Variants in TRDN observed in about 807,000 individuals in gnomAD.
TRDN encodes the protein triadin in skeletal muscle.
In TRDN, 161 loss-of-function variants were observed where a neutral mutation model predicts 149.7. The ratio of observed to expected loss-of-function variants is 1.08; its 90% CI spans 0.95 to 1.23. TRDN has a LOEUF of 1.23. Ranked by LOEUF, TRDN falls within the 50% of genes most tolerant of loss-of-function variation. TRDN has a pLI of 0.00. For missense variants in TRDN, 896 were observed against 823.5 expected, an observed-to-expected ratio of 1.09 and a Z score of -1.08; for synonymous variants, 294 against 250.5, an observed-to-expected ratio of 1.17 and a Z score of -1.64.
intron 11 of TRDN, 96 bp downstream of exon 11, chr6:123,438,848 A>T: frequency 1.1e-6 from 1 of 931,278 alleles, no homozygotes. Flanking sequence ...TGCATTTATT[A>T]AGGGAATTTC....
chr6:123,332,679 T>G lies in TRDN; in HGVS notation c.1421-750A>C, dbSNP rs12664547. ...TGCAACATTAATGCTCAATAAAGAT[T>G]TTATGGATGAAAATGACTTTTAATG... On this transcript the variant is annotated intron_variant, in intron 22 of 40. Coordinates refer to ENST00000334268, the MANE Select transcript of TRDN (RefSeq NM_006073.4). 3.9e-4 allele frequency among the ~76,000 whole-genome samples: 59 copies of G among 152,172 alleles called. 1 individual carries two copies. The East Asian group carries it at 0.01, about 27-fold the overall frequency.
intron 21 of TRDN, among the ~76,000 whole-genome samples, chr6:123,348,193 G>A (rs867728281): frequency 1.4e-4 from 22 of 152,086 alleles, no homozygotes; most frequent in African/African-American, 4.8e-4. Context: ...GACTCTTAAA[G>A]CATTGCTTTA....
At chr6:123,630,599 GA>G (rs138913219) in intron 1 of TRDN, among the ~76,000 whole-genome samples, 25,198 of 151,110 alleles carry the variant, frequency 0.17, 4,357 homozygotes, top group African/African-American at 0.45. Context: ...AAATAAATAG[GA>G]AAAAAAATAA....
At chr6:123,451,270 G>GAAA (rs982501807) in intron 10 of TRDN, among the ~76,000 whole-genome samples, 2 of 148,902 alleles carry the variant, frequency 1.3e-5, no homozygotes, top group African/African-American at 5.1e-5. Flanking sequence ...AAATAAAATT[G>GAAA]AAACAACAAC....
intron 21 of TRDN, among the ~76,000 whole-genome samples, chr6:123,337,990 G>A (rs1779936371): frequency 6.6e-6 from 1 of 152,082 alleles, no homozygotes; most frequent in Non-Finnish European, 1.5e-5. Context: ...TACGTGTCAG[G>A]CAATATTCTC....
chr6:123,538,586 C>T (rs1780669604), intron 4 of TRDN, among the ~76,000 whole-genome samples: 2 of 152,106 alleles, frequency 1.3e-5, no homozygotes, highest in African/African-American at 4.8e-5. Flanking sequence ...TGGGCAACCA[C>T]TCCAGATACA....
chr6:123,269,815 A>C (rs746980043), intron 31 of TRDN, 34 bp downstream of exon 31: 1 of 1,605,054 alleles, frequency 6.2e-7, no homozygotes, highest in South Asian at 1.1e-5. Flanking sequence ...TGGTCAAGCG[A>C]TATTTCTCAG....
chr6:123,233,762 A>T (rs549487359), intron 38 of TRDN, among the ~76,000 whole-genome samples: 206 of 152,212 alleles, frequency 1.4e-3, no homozygotes, highest in Non-Finnish European at 2.3e-3. Flanking sequence ...TTAAAAAGTG[A>T]GATTGTTTTA....
chr6:123,258,314 T>C (rs769559315), intron 35 of TRDN, among the ~76,000 whole-genome samples: 1 of 152,222 alleles, frequency 6.6e-6, no homozygotes, highest in Non-Finnish European at 1.5e-5. Context: ...TTTCCATCAA[T>C]ACCTAGTTTA....
chr6:123,264,092 C>T (rs968210461), intron 33 of TRDN, among the ~76,000 whole-genome samples: 11 of 151,948 alleles, frequency 7.2e-5, no homozygotes, highest in Non-Finnish European at 1.5e-5. Flanking sequence ...GCCCGTGGGA[C>T]TAAAGAGTAA....
chr6:123,524,228 G>A (rs866894766), intron 5 of TRDN, among the ~76,000 whole-genome samples: 16 of 152,152 alleles, frequency 1.1e-4, no homozygotes, highest in Admixed American at 5.2e-4. Context: ...ACAGACAGGT[G>A]CAGACATTTT....
intron 24 of TRDN, among the ~76,000 whole-genome samples, chr6:123,284,555 G>A (rs1450253154): frequency 7.2e-5 from 11 of 151,854 alleles, no homozygotes; most frequent in Admixed American, 1.3e-4. Context: ...CACAGCCAGC[G>A]TAACACTGAA....
rs181458020 is a variant in TRDN at position 123,635,357 on chromosome 6, A to G, written c.22+1397T>C. Among the ~76,000 whole-genome samples, 160 of 137,664 alleles carry G rather than the reference A, an allele frequency of 1.2e-3. 1 individual carries two copies. Among genetic ancestry groups the G allele is most frequent in the African/African-American group, 4.3e-3 (143 of 33,638 alleles). 90.3% of individuals were successfully genotyped at this position (137,664 alleles called of 152,430 possible). A position where few individuals can be genotyped will look rare whatever the true frequency, so the allele number is the denominator to read the frequency against. On this transcript the variant is annotated intron_variant, in intron 1 of 40. Transcript: ENST00000334268. ...ACACACACACACACACACACAAACA[A>G]GATTTAAAGGGGCTGGGTTTAAATG...
chr6:123,628,726 T>G (rs562535533), intron 1 of TRDN, among the ~76,000 whole-genome samples: 1 of 152,274 alleles, frequency 6.6e-6, no homozygotes, highest in East Asian at 1.9e-4. Flanking sequence ...TGTTATTTTT[T>G]GCTCTTTTCT....
intron 21 of TRDN, among the ~76,000 whole-genome samples, chr6:123,338,308 C>T (rs1220056533): frequency 6.6e-6 from 1 of 152,058 alleles, no homozygotes; most frequent in Admixed American, 6.6e-5. Context: ...GAATGGGAGG[C>T]CTGGACAGGG....
chr6:123,314,185 A>C (rs1480701197), intron 24 of TRDN, among the ~76,000 whole-genome samples: 1 of 152,030 alleles, frequency 6.6e-6, no homozygotes, highest in African/African-American at 2.4e-5. Flanking sequence ...AAAAGTGGGC[A>C]AAATACATGA....
At chr6:123,464,855 C>T (rs1359072498) in intron 10 of TRDN, 51 bp downstream of exon 10, 5 of 1,544,710 alleles carry the variant, frequency 3.2e-6, no homozygotes, top group South Asian at 1.2e-5. Flanking sequence ...TGTTCCTCTA[C>T]ATTCTATTTT....
chr6:123,360,735 GAGAGAGAC>G (rs1780868603), intron 20 of TRDN, among the ~76,000 whole-genome samples: 2 of 150,784 alleles, frequency 1.3e-5, no homozygotes, highest in African/African-American at 4.9e-5. Context: ...GAGAGAGAGA[GAGAGAGAC>G]AGGGAGAGAG....
At chr6:123,373,497 T>C (rs1416745375) in intron 19 of TRDN, among the ~76,000 whole-genome samples, 1 of 152,166 alleles carries the variant, frequency 6.6e-6, no homozygotes, top group African/African-American at 2.4e-5. Context: ...GAAGGTGATG[T>C]ACGTCCCAAG....
Sources: gnomAD v4.1 joint callset for allele counts (sites outside exome capture counted in the v4.1 genomes callset) on GRCh38, gnomAD v4.1.1 for gene constraint, MANE v1.5 for transcripts, NCBI Gene and HGNC (gene_info 2026-07-23, HGNC 2026-07-21) for gene names.